The following HDHD2 variants were observed in gnomAD, a reference collection of about 807,000 sequenced individuals.
HDHD2 encodes haloacid dehalogenase-like hydrolase domain-containing protein 2.
HDHD2 carries 26 observed loss-of-function variants against 24.8 expected under a neutral mutation model. The ratio of observed to expected loss-of-function variants is 1.05; its 90% confidence interval spans 0.77 to 1.45. HDHD2 has a LOEUF of 1.45. HDHD2 is among the 40% of genes most tolerant of loss of function. The pLI, the probability that HDHD2 is intolerant of heterozygous loss-of-function variation, is 0.00. For missense variants in HDHD2, 299 were observed against 313.4 expected (o/e 0.95, Z 0.35); for synonymous variants, 128 against 114.9 (o/e 1.11, Z -0.73).
rs2063597519 is a variant in HDHD2 at position 47,120,677 on chromosome 18, ATGCCTTACT to A, written c.396-5338_396-5330del. ...CTTTCAGCCTATCTCGGCTTTCGACATGCCTTACTTGCCTTACTCATTTCTAGCTTTTGA... is the reference window on the plus strand; with the variant it reads ...CTTTCAGCCTATCTCGGCTTTCGACATGCCTTACTCATTTCTAGCTTTTGA... On this transcript the variant is annotated intron_variant, in intron 4 of 6. Transcript: ENST00000300605. Among the ~76,000 whole-genome samples the A allele has an allele frequency of 1.3e-5, 2 of 152,224 alleles. 1 individual carries two copies. Among genetic ancestry groups the A allele is most frequent in the South Asian group, 4.1e-4 (2 of 4,836 alleles).
chr18:47,149,489 G>A (rs2063907878), intron 1 of HDHD2, among the ~76,000 whole-genome samples: 1 of 152,078 alleles, frequency 6.6e-6, no homozygotes, highest in Non-Finnish European at 1.5e-5. Flanking sequence ...GATAAAGTCT[G>A]AACAATGAAC....
At chr18:47,117,483 A>T (rs1355384795) in intron 4 of HDHD2, among the ~76,000 whole-genome samples, 2 of 152,096 alleles carry the variant, frequency 1.3e-5, no homozygotes, top group Non-Finnish European at 2.9e-5. Flanking sequence ...CTACCACAGG[A>T]TGATGCAGCA....
chr18:47,111,585 C>G, intron 6 of HDHD2: 4 of 985,342 alleles, frequency 4.1e-6, no homozygotes, highest in African/African-American at 1.7e-5. Context: ...AGGGCTGTTA[C>G]GTTCCTGGGA....
At chr18:47,117,625 G>T (rs1333193115) in intron 4 of HDHD2, among the ~76,000 whole-genome samples, 1 of 152,124 alleles carries the variant, frequency 6.6e-6, no homozygotes, top group South Asian at 2.1e-4. Context: ...TAAAAAGATA[G>T]TTGTTTTTAA....
chr18:47,147,868 A>C (rs2063887959), intron 1 of HDHD2, among the ~76,000 whole-genome samples: 1 of 152,230 alleles, frequency 6.6e-6, no homozygotes, highest in African/African-American at 2.4e-5. Context: ...ACTAAGGCCT[A>C]GAATAAAATT....
chr18:47,116,725 C>A (rs1206033709), intron 4 of HDHD2, among the ~76,000 whole-genome samples: 1 of 152,212 alleles, frequency 6.6e-6, no homozygotes, highest in Non-Finnish European at 1.5e-5. Context: ...TTATCTATCT[C>A]TTCTCCTGTC....
At position 47,112,974 on chromosome 18, in the gene HDHD2, T is replaced by C; in HGVS notation, c.676+3A>G. Reference sequence around the variant, plus strand: ...GAAAATGCTTTATACAGAAGATACATACCAGTCTTTACTAAGATGCCCAGC... The same window carrying C: ...GAAAATGCTTTATACAGAAGATACACACCAGTCTTTACTAAGATGCCCAGC... On this transcript the variant is annotated splice_donor_region_variant and intron_variant, in intron 6 of 6. Coordinates refer to ENST00000300605, the MANE Select transcript of HDHD2 (RefSeq NM_032124.5). 6.2e-7 allele frequency: 1 copy of C among 1,611,042 alleles called. No individual in the cohort carries two copies. Among genetic ancestry groups the C allele is most frequent in the Non-Finnish European group, 8.5e-7 (1 of 1,177,198 alleles).
chr18:47,111,518 G>A lies in HDHD2; in HGVS notation c.676+1459C>T, dbSNP rs534603329. The A allele has an allele frequency of 2.0e-5, 20 of 985,322 alleles. No homozygotes were observed. In the East Asian group the frequency reaches 3.4e-4, roughly 17 times the overall value. The allele number at this position is 985,322 out of a possible 1,614,324, so 61.0% of individuals were successfully genotyped here. On this transcript the variant is annotated intron_variant, in intron 6 of 6. Coordinates refer to ENST00000300605, the MANE Select transcript of HDHD2 (RefSeq NM_032124.5). ...AAAACAAAGATACATGGAGGCTGAC[G>A]AGTGTGGCTACTTTTCCAGACTTCA...
intron 1 of HDHD2, among the ~76,000 whole-genome samples, chr18:47,139,360 G>C (rs563912928): frequency 6.6e-6 from 1 of 150,656 alleles, no homozygotes; most frequent in Non-Finnish European, 1.5e-5. Context: ...AGCTACTCAG[G>C]AGGCTGAGGC....
intron 1 of HDHD2, among the ~76,000 whole-genome samples, chr18:47,148,235 T>A (rs1201797408): frequency 1.3e-5 from 2 of 152,140 alleles, no homozygotes; most frequent in Non-Finnish European, 2.9e-5. Flanking sequence ...AAGTGATCCA[T>A]CCGCCTTGGG....
At chr18:47,126,461 G>T (rs1161077021) in intron 4 of HDHD2, among the ~76,000 whole-genome samples, 3 of 152,026 alleles carry the variant, frequency 2.0e-5, no homozygotes. Context: ...ACTTCTTATA[G>T]TGGTAAGAAG....
At chr18:47,138,171 C>CAAAA (rs58644217) in intron 1 of HDHD2, among the ~76,000 whole-genome samples, 8 of 54,888 alleles carry the variant, frequency 1.5e-4, no homozygotes, top group African/African-American at 3.2e-4. Flanking sequence ...GATTCTGTCG[C>CAAAA]AAAAAAAAAA....
chr18:47,126,126 T>C (rs2063655941), intron 4 of HDHD2, among the ~76,000 whole-genome samples: 1 of 152,174 alleles, frequency 6.6e-6, no homozygotes, highest in East Asian at 1.9e-4. Context: ...ACCTCCAAAG[T>C]AGTATTTTAG....
intron 1 of HDHD2, among the ~76,000 whole-genome samples, chr18:47,145,020 A>T (rs1289268774): frequency 6.6e-6 from 1 of 152,168 alleles, no homozygotes; most frequent in Non-Finnish European, 1.5e-5. Flanking sequence ...CAAGATCAAA[A>T]ATATGAGGAG....
intron 1 of HDHD2, among the ~76,000 whole-genome samples, chr18:47,147,378 A>G (rs554183664): frequency 3.9e-5 from 6 of 152,346 alleles, no homozygotes; most frequent in South Asian, 2.1e-4. Flanking sequence ...AAGAGCATCA[A>G]CTATTACCTC....
chr18:47,126,764 A>G (rs1312440457), intron 4 of HDHD2, among the ~76,000 whole-genome samples: 1 of 152,116 alleles, frequency 6.6e-6, no homozygotes, highest in African/African-American at 2.4e-5. Flanking sequence ...TTTTCCCCAA[A>G]ATTCCTTTGC....
At chr18:47,146,032 G>C (rs756602039) in intron 1 of HDHD2, among the ~76,000 whole-genome samples, 4 of 152,076 alleles carry the variant, frequency 2.6e-5, no homozygotes, top group African/African-American at 4.8e-5. Flanking sequence ...AGGCATTCAA[G>C]ACCAGCCTAG....
chr18:47,127,413 CGTT>C (rs1233016461), intron 4 of HDHD2, among the ~76,000 whole-genome samples: 4 of 152,026 alleles, frequency 2.6e-5, no homozygotes, highest in Admixed American at 6.6e-5. Context: ...TGTTAACTGT[CGTT>C]CTCTTTAGGT....
intron 1 of HDHD2, among the ~76,000 whole-genome samples, chr18:47,149,811 CCTA>C (rs1297767308): frequency 6.6e-6 from 1 of 152,164 alleles, no homozygotes; most frequent in African/African-American, 2.4e-5. Context: ...CCGCGCCTCT[CCTA>C]CTAAACTGTT....
Sources: allele counts gnomAD v4.1 joint callset (sites outside exome capture counted in the v4.1 genomes callset), GRCh38; gene constraint gnomAD v4.1.1; transcripts MANE v1.5; gene names NCBI Gene and HGNC (gene_info 2026-07-23, HGNC 2026-07-21).